Variants in OPHN1 observed in about 807,000 individuals in gnomAD.
OPHN1 encodes the protein oligophrenin 1, also known as oligophrenin-1.
In OPHN1, 11 loss-of-function variants were observed where a neutral mutation model predicts 60.7. The observed-to-expected ratio is 0.18, with a 90% CI of 0.11 to 0.30. The LOEUF (loss-of-function observed/expected upper bound fraction) is 0.30. Among genes scored for constraint, OPHN1 ranks in the 10% least tolerant of loss-of-function variants. OPHN1 has a pLI of 1.00. For synonymous variants in OPHN1, 226 were observed against 222.6 expected (o/e 1.02, Z -0.14); for missense variants, 449 against 611.0 (o/e 0.73, Z 2.80).
chrX:68,247,931 C>A (rs1305984027), intron 5 of OPHN1, among the ~76,000 whole-genome samples: 1 of 110,986 alleles, frequency 9.0e-6, no homozygotes, highest in East Asian at 2.8e-4. Flanking sequence ...AGATGCAGAG[C>A]AAGATGTCGA....
intron 6 of OPHN1, among the ~76,000 whole-genome samples, chrX:68,217,574 G>A (rs1569246352): frequency 9.2e-6 from 1 of 109,250 alleles, no homozygotes; most frequent in Non-Finnish European, 1.9e-5. Flanking sequence ...GCATGCAGCT[G>A]GAGATCTGAG....
chrX:68,319,510 T>A (rs5964664), intron 2 of OPHN1, among the ~76,000 whole-genome samples: 3 of 109,903 alleles, frequency 2.7e-5, no homozygotes, highest in African/African-American at 1.0e-4. Context: ...CCGAGGCAGG[T>A]GGATCACTTG....
intron 16 of OPHN1, among the ~76,000 whole-genome samples, chrX:68,117,434 T>C (rs2077131948): frequency 8.9e-6 from 1 of 112,292 alleles, no homozygotes; most frequent in African/African-American, 3.2e-5. Context: ...GACTGTCCCC[T>C]TTACTAGGCT....
intron 15 of OPHN1, among the ~76,000 whole-genome samples, chrX:68,168,069 C>T (rs1247282966): frequency 9.1e-6 from 1 of 110,491 alleles, no homozygotes; most frequent in African/African-American, 3.3e-5. Flanking sequence ...GGATGCCACC[C>T]CACTGTCAAC....
rs1330245473 is a variant in OPHN1, at chrX:68,042,545, C to G, written c.*4627G>C. 1 of 110,905 alleles carries G rather than the reference C, an allele frequency of 9.0e-6. No individual in the cohort carries two copies. Among genetic ancestry groups the G allele is most frequent in the African/African-American group, 3.3e-5 (1 of 30,458 alleles). The allele number at this position is 110,905 out of a possible 1,213,427, so 9.1% of individuals were successfully genotyped here. On this transcript the variant is annotated 3_prime_UTR_variant, in exon 25 of 25. Coordinates refer to ENST00000355520, the MANE Select transcript of OPHN1 (RefSeq NM_002547.3). ...TATCGAAAACTTATCTTTAAGGTAT[C>G]TTGTCCTTCGCGAAGGACATGAACA...
At chrX:68,070,834 A>G in intron 20 of OPHN1, 1 of 1,172,475 alleles carries the variant, frequency 8.5e-7, no homozygotes, top group Non-Finnish European at 1.2e-6. Flanking sequence ...ACCACAGTCC[A>G]AGCCCATTCA....
rs780998514 is a variant in OPHN1, at chrX:68,287,653, T to C, written c.251-4536A>G. On this transcript the variant is annotated intron_variant, in intron 3 of 24. Transcript: ENST00000355520. ...CTGCTAGAATGGTGGTTTGCACACA[T>C]TGCATGATTATACAGACGTTAGTTT... is the stretch of plus-strand genomic sequence containing the variant. Among the ~76,000 whole-genome samples the C allele has an allele frequency of 7.2e-5, 8 of 111,770 alleles. No homozygotes were observed. In the East Asian group the frequency reaches 1.4e-3, roughly 20 times the overall value.
At chrX:68,228,204 C>A (rs772085381) in intron 6 of OPHN1, among the ~76,000 whole-genome samples, 3 of 111,705 alleles carry the variant, frequency 2.7e-5, no homozygotes, top group South Asian at 3.8e-4. Context: ...CAAGACTAAA[C>A]CAGGAAGAAG....
intron 2 of OPHN1, among the ~76,000 whole-genome samples, chrX:68,379,662 G>T (rs1322790414): frequency 6.4e-5 from 7 of 109,394 alleles, no homozygotes; most frequent in Non-Finnish European, 1.3e-4. Flanking sequence ...TTTGTCAAAG[G>T]CCTTTTCTGC....
At chrX:68,315,151 T>C (rs1165899059) in intron 2 of OPHN1, among the ~76,000 whole-genome samples, 1 of 109,199 alleles carries the variant, frequency 9.2e-6, no homozygotes, top group Non-Finnish European at 1.9e-5. Flanking sequence ...AGTTCGAGCC[T>C]GCAGGGAGCT....
intron 3 of OPHN1, among the ~76,000 whole-genome samples, chrX:68,292,180 G>C (rs943538541): frequency 9.0e-5 from 10 of 111,253 alleles, no homozygotes; most frequent in African/African-American, 3.3e-4. Flanking sequence ...TGGGATTACA[G>C]GTATGCATCG....
intron 6 of OPHN1, among the ~76,000 whole-genome samples, chrX:68,232,421 C>A (rs2077733093): frequency 9.0e-6 from 1 of 110,969 alleles, no homozygotes; most frequent in African/African-American, 3.3e-5. Context: ...TGGTGTCACC[C>A]AAGACACATT....
At position 68,400,169 on chromosome X, in the gene OPHN1, C is replaced by T. The variant is rs193266427; in HGVS notation, c.154+32698G>A. Among the ~76,000 whole-genome samples the T allele has an allele frequency of 8.9e-5, 10 of 111,993 alleles. No homozygotes were observed. The East Asian group carries it at 2.8e-3, about 31-fold the overall frequency. Reference sequence around the variant, plus strand: ...ATTTGAATCCAAGAAGATTCTGTATCTGGGCCCTTGAGCCACTGCTTGGGT... The same window carrying T: ...ATTTGAATCCAAGAAGATTCTGTATTTGGGCCCTTGAGCCACTGCTTGGGT... On this transcript the variant is annotated intron_variant, in intron 2 of 24. Coordinates refer to ENST00000355520, the MANE Select transcript of OPHN1 (RefSeq NM_002547.3).
At chrX:68,419,606 T>C (rs1321742855) in intron 2 of OPHN1, among the ~76,000 whole-genome samples, 1 of 104,925 alleles carries the variant, frequency 9.5e-6, no homozygotes, top group Admixed American at 1.1e-4. Flanking sequence ...AGTGGTGTGA[T>C]CACGGCTCAC....
intron 15 of OPHN1, among the ~76,000 whole-genome samples, chrX:68,192,053 A>C (rs1396395797): frequency 9.5e-6 from 1 of 105,047 alleles, no homozygotes; most frequent in East Asian, 2.8e-4. Context: ...TGTGAGCCAT[A>C]ACCAGAATAA....
chrX:68,419,364 T>C, intron 2 of OPHN1, among the ~76,000 whole-genome samples: 1 of 109,170 alleles, frequency 9.2e-6, no homozygotes, highest in East Asian at 2.9e-4. Flanking sequence ...ATTAGCACAC[T>C]GGCACCCCGC....
intron 15 of OPHN1, among the ~76,000 whole-genome samples, chrX:68,172,537 T>C (rs777678370): frequency 1.7e-4 from 19 of 111,617 alleles, no homozygotes; most frequent in Non-Finnish European, 1.5e-4. Flanking sequence ...AGATTTATCA[T>C]ATGGGTATAA....
At chrX:68,089,758 T>C (rs1362288379) in intron 19 of OPHN1, among the ~76,000 whole-genome samples, 2 of 111,505 alleles carry the variant, frequency 1.8e-5, no homozygotes, top group African/African-American at 3.3e-5. Context: ...CCCTATCTCA[T>C]TGGGTTTGGA....
At chrX:68,302,145 A>T (rs1192763542) in intron 2 of OPHN1, among the ~76,000 whole-genome samples, 2 of 112,164 alleles carry the variant, frequency 1.8e-5, no homozygotes, top group African/African-American at 6.5e-5. Flanking sequence ...CATGGACATC[A>T]GTGTTTGTTT....
Sources: gnomAD v4.1 joint callset for allele counts (sites outside exome capture counted in the v4.1 genomes callset) on GRCh38, gnomAD v4.1.1 for gene constraint, MANE v1.5 for transcripts, NCBI Gene and HGNC (gene_info 2026-07-23, HGNC 2026-07-21) for gene names.